The following FUT9 variants were observed in gnomAD, a reference collection of about 807,000 sequenced individuals.
FUT9 encodes 4-galactosyl-N-acetylglucosaminide 3-alpha-L-fucosyltransferase 9.
In FUT9, 15 loss-of-function variants were observed where a neutral mutation model predicts 29.7. The ratio of observed to expected loss-of-function variants is 0.51; its 90% confidence interval spans 0.34 to 0.78. FUT9 has a LOEUF of 0.78. Ranked by LOEUF, FUT9 falls within the 30% of genes least tolerant of loss-of-function variation. The pLI, the probability that FUT9 is intolerant of heterozygous loss-of-function variation, is 0.01. For synonymous variants in FUT9, 169 were observed against 153.7 expected, an observed-to-expected ratio of 1.10 and a Z score of -0.74; for missense variants, 319 against 425.4, an observed-to-expected ratio of 0.75 and a Z score of 2.20.
chr6:96,168,324 A>G (rs564652748), intron 2 of FUT9, among the ~76,000 whole-genome samples: 50 of 152,174 alleles, frequency 3.3e-4, no homozygotes, highest in Non-Finnish European at 6.6e-4. Flanking sequence ...TATGTGGAAC[A>G]AAATTGGGTG....
chr6:96,182,746 T>C (rs1207268972), intron 2 of FUT9, among the ~76,000 whole-genome samples: 1 of 152,068 alleles, frequency 6.6e-6, no homozygotes, highest in Non-Finnish European at 1.5e-5. Flanking sequence ...ATCAGTTGGC[T>C]TGTAAGTATT....
chr6:96,142,714 A>T (rs900993448), intron 2 of FUT9, among the ~76,000 whole-genome samples: 1 of 152,198 alleles, frequency 6.6e-6, no homozygotes. Flanking sequence ...GAAATAGCGA[A>T]TAGAAGGATC....
intron 2 of FUT9, among the ~76,000 whole-genome samples, chr6:96,158,592 C>CGAAGGACA (rs1772835789): frequency 6.6e-6 from 1 of 152,024 alleles, no homozygotes; most frequent in East Asian, 1.9e-4. Context: ...TTTGGTGATT[C>CGAAGGACA]GAAGGACAGA....
At chr6:96,023,299 A>C (rs2127922448) in intron 1 of FUT9, among the ~76,000 whole-genome samples, 1 of 152,016 alleles carries the variant, frequency 6.6e-6, no homozygotes, top group South Asian at 2.1e-4. Context: ...GACAATCAGA[A>C]CCCTGAATTT....
At chr6:96,075,062 G>A (rs994743657) in intron 1 of FUT9, among the ~76,000 whole-genome samples, 2 of 152,034 alleles carry the variant, frequency 1.3e-5, no homozygotes, top group Non-Finnish European at 2.9e-5. Flanking sequence ...GGGATTACAG[G>A]CATGAGCCAG....
At chr6:96,063,307 T>C (rs1252127465) in intron 1 of FUT9, among the ~76,000 whole-genome samples, 1 of 152,172 alleles carries the variant, frequency 6.6e-6, no homozygotes, top group Non-Finnish European at 1.5e-5. Context: ...ACAGGAAGTA[T>C]GGTGCCAACA....
chr6:96,042,705 T>C (rs370813414), intron 1 of FUT9, among the ~76,000 whole-genome samples: 1 of 152,158 alleles, frequency 6.6e-6, no homozygotes, highest in Non-Finnish European at 1.5e-5. Flanking sequence ...CCTTTTTTGG[T>C]CTTGTATTAG....
chr6:96,100,768 G>A (rs889211604), intron 1 of FUT9, among the ~76,000 whole-genome samples: 1 of 152,114 alleles, frequency 6.6e-6, no homozygotes, highest in Non-Finnish European at 1.5e-5. Flanking sequence ...CTTTGGAATG[G>A]GTTGAGTTAA....
At chr6:96,171,023 C>G (rs1317675913) in intron 2 of FUT9, among the ~76,000 whole-genome samples, 2 of 152,136 alleles carry the variant, frequency 1.3e-5, no homozygotes, top group Non-Finnish European at 2.9e-5. Context: ...GGGTCTGAGA[C>G]AAAGACTTGA....
intron 1 of FUT9, among the ~76,000 whole-genome samples, chr6:96,110,504 C>G (rs907479067): frequency 5.9e-5 from 9 of 152,100 alleles, no homozygotes; most frequent in Non-Finnish European, 1.0e-4. Flanking sequence ...CTGAGCATCC[C>G]CTCAACTTAA....
At chr6:96,017,317 T>C (rs936705014) in intron 1 of FUT9, among the ~76,000 whole-genome samples, 5 of 152,180 alleles carry the variant, frequency 3.3e-5, no homozygotes, top group Non-Finnish European at 5.9e-5. Flanking sequence ...CAGAGTTGTG[T>C]AGTATCTTAG....
In FUT9 at chr6:96,203,496, G is replaced by A. The variant is rs376403164; in HGVS notation, c.341G>A (p.Ser114Asn). Residue 114 changes from serine to asparagine, a missense_variant, in exon 3 of 3, where the codon AGT (serine) becomes AAT (asparagine). Transcript: ENST00000302103. ...GTTCTGATCCATCACCGAGACATCA[G>A]TTGGGATCTGACAAATTTACCTCAG... The part of the protein sequence containing the change: ...HAVLIHHRDI[S>N]WDLTNLPQQA... 19 of 1,612,088 alleles carry A rather than the reference G, an allele frequency of 1.2e-5. No homozygotes were observed. The highest frequency in any genetic ancestry group is 4.5e-5 in the East Asian group (2 of 44,874).
At chr6:96,103,839 A>G (rs1771631406) in intron 1 of FUT9, among the ~76,000 whole-genome samples, 1 of 152,204 alleles carries the variant, frequency 6.6e-6, no homozygotes, top group Non-Finnish European at 1.5e-5. Flanking sequence ...ATATACATAT[A>G]CATAGTAAAA....
At chr6:96,076,482 A>G (rs17056039) in intron 1 of FUT9, among the ~76,000 whole-genome samples, 6,429 of 152,240 alleles carry the variant, frequency 0.042, 193 homozygotes, top group South Asian at 0.12. Flanking sequence ...GTTTTCACCT[A>G]AAATATTTAG....
At chr6:96,069,612 TTTTTTTA>T (rs1484504768) in intron 1 of FUT9, among the ~76,000 whole-genome samples, 2 of 99,776 alleles carry the variant, frequency 2.0e-5, no homozygotes, top group Non-Finnish European at 4.4e-5. Context: ...CAAACTATTA[TTTTTTTA>T]TTTTTTTATT....
chr6:96,200,237 A>G (rs923935362), intron 2 of FUT9, among the ~76,000 whole-genome samples: 2 of 152,220 alleles, frequency 1.3e-5, no homozygotes, highest in African/African-American at 4.8e-5. Context: ...CCTTGTTAAA[A>G]GAAATTAATC....
intron 1 of FUT9, among the ~76,000 whole-genome samples, chr6:96,086,439 A>G (rs1000246669): frequency 6.6e-6 from 1 of 152,146 alleles, no homozygotes; most frequent in African/African-American, 2.4e-5. Context: ...TTTACCAGAA[A>G]TTCTTAATTT....
At chr6:96,162,499 T>A (rs190291387) in intron 2 of FUT9, among the ~76,000 whole-genome samples, 1 of 152,308 alleles carries the variant, frequency 6.6e-6, no homozygotes, top group East Asian at 1.9e-4. Flanking sequence ...CCCATCTAAC[T>A]GTAACCTTAC....
chr6:96,040,533 C>T (rs573737390), intron 1 of FUT9, among the ~76,000 whole-genome samples: 1 of 152,248 alleles, frequency 6.6e-6, no homozygotes, highest in South Asian at 2.1e-4. Flanking sequence ...CCTTTCACGA[C>T]AGGCAATTGA....
Sources: gnomAD v4.1 joint callset for allele counts (sites outside exome capture counted in the v4.1 genomes callset) on GRCh38, gnomAD v4.1.1 for gene constraint, MANE v1.5 for transcripts, NCBI Gene and HGNC (gene_info 2026-07-23, HGNC 2026-07-21) for gene names.